Variants in PLPPR1 observed in about 807,000 individuals in gnomAD.
The protein encoded by PLPPR1 is phospholipid phosphatase related 1, also known as phospholipid phosphatase-related protein type 1.
Under a neutral mutation model 33.1 loss-of-function variants are expected in PLPPR1, and 10 were observed. That is an observed-to-expected ratio of 0.30 (90% CI 0.19 to 0.51). The LOEUF (loss-of-function observed/expected upper bound fraction) is 0.51. Ranked by LOEUF, PLPPR1 falls within the 20% of genes least tolerant of loss-of-function variation. PLPPR1 has a pLI of 0.97. For missense variants in PLPPR1, 304 were observed against 408.1 expected (o/e 0.74, Z 2.20); for synonymous variants, 151 against 151.0 (o/e 1.00, Z 0.00).
chr9:101,047,590 C>A (rs1214990257), intron 1 of PLPPR1, among the ~76,000 whole-genome samples: 1 of 152,148 alleles, frequency 6.6e-6, no homozygotes. Context: ...CGTAACCTTA[C>A]AATGGTATCA....
chr9:101,260,854 C>T (rs183997640), intron 2 of PLPPR1, among the ~76,000 whole-genome samples: 1 of 152,158 alleles, frequency 6.6e-6, no homozygotes, highest in African/African-American at 2.4e-5. Context: ...GGGTGGGTAC[C>T]ACCATTTATA....
chr9:101,303,788 C>T (rs1361084266), intron 4 of PLPPR1, among the ~76,000 whole-genome samples: 1 of 152,048 alleles, frequency 6.6e-6, no homozygotes, highest in Non-Finnish European at 1.5e-5. Context: ...TTTAAAGTTC[C>T]ATGTGTTAGT....
At chr9:101,133,918 T>C (rs1296963598) in intron 1 of PLPPR1, among the ~76,000 whole-genome samples, 1 of 152,194 alleles carries the variant, frequency 6.6e-6, no homozygotes, top group Non-Finnish European at 1.5e-5. Flanking sequence ...TGTGCTTCAT[T>C]TTCTCCATTT....
chr9:101,213,655 C>A (rs984512419), intron 2 of PLPPR1, among the ~76,000 whole-genome samples: 1 of 152,114 alleles, frequency 6.6e-6, no homozygotes, highest in Non-Finnish European at 1.5e-5. Flanking sequence ...TACTCTTTAT[C>A]AATTCCTACT....
chr9:101,173,558 G>T (rs1564165625), intron 1 of PLPPR1, among the ~76,000 whole-genome samples: 1 of 152,096 alleles, frequency 6.6e-6, no homozygotes, highest in Non-Finnish European at 1.5e-5. Context: ...GTACAACAAG[G>T]CCCTGAGGTA....
chr9:101,166,751 G>A (rs2118681893), intron 1 of PLPPR1, among the ~76,000 whole-genome samples: 1 of 152,200 alleles, frequency 6.6e-6, no homozygotes, highest in East Asian at 1.9e-4. Context: ...GTTTGTCAAG[G>A]AGATTAATGA....
At chr9:101,061,776 G>C (rs765117417) in intron 1 of PLPPR1, among the ~76,000 whole-genome samples, 3 of 151,950 alleles carry the variant, frequency 2.0e-5, no homozygotes, top group Admixed American at 6.6e-5. Flanking sequence ...AGCAGATACA[G>C]GTTAATATTT....
chr9:101,033,997 G>A (rs1829979928), intron 1 of PLPPR1, among the ~76,000 whole-genome samples: 2 of 152,082 alleles, frequency 1.3e-5, no homozygotes, highest in African/African-American at 2.4e-5. Context: ...AGCAATTTTA[G>A]TATAGCAGTG....
Position 101,317,376 on chromosome 9 carries a change from G to A in PLPPR1, c.825G>A (p.Val275=). ...TAVALFLGMC[V]VHNFKGTQGS... ...CCCTCATCCTGCAGGGAATGTGTGT[G>A]GTTCATAACTTTAAAGGAACGCAAG... is the stretch of plus-strand genomic sequence containing the variant. Residue 275 remains valine (V), a synonymous_variant, in exon 7 of 8, where the codon GTG becomes GTA. Transcript: ENST00000374874. 6.2e-7 allele frequency: 1 copy of A among 1,613,738 alleles called. No homozygotes were observed. Among genetic ancestry groups the A allele is most frequent in the Non-Finnish European group, 8.5e-7 (1 of 1,179,872 alleles).
chr9:101,288,575 A>T lies in PLPPR1; in HGVS notation c.385+2339A>T, dbSNP rs192073431. Among the ~76,000 whole-genome samples the T allele has an allele frequency of 1.1e-3, 131 of 119,808 alleles. 1 individual carries two copies. The East Asian group carries it at 0.016, about 15-fold the overall frequency. The allele number at this position is 119,808 out of a possible 152,430, so 78.6% of individuals were successfully genotyped here. On this transcript the variant is annotated intron_variant, in intron 4 of 7. Coordinates refer to ENST00000374874, the MANE Select transcript of PLPPR1 (RefSeq NM_207299.2). ...GGGTTTAGTAAAAAAATAAAAAAAT[A>T]AAAAAAAAGCACTTCCTTCACGCTT...
intron 1 of PLPPR1, among the ~76,000 whole-genome samples, chr9:101,100,828 T>C (rs912833679): frequency 2.6e-5 from 4 of 151,836 alleles, no homozygotes; most frequent in African/African-American, 9.7e-5. Context: ...GCCCCACAGT[T>C]AGGACTGTTA....
chr9:101,295,435 G>C (rs1405653601), intron 4 of PLPPR1, among the ~76,000 whole-genome samples: 1 of 152,036 alleles, frequency 6.6e-6, no homozygotes, highest in Non-Finnish European at 1.5e-5. Context: ...TTTCTTCACA[G>C]AATTGGAAAA....
intron 1 of PLPPR1, among the ~76,000 whole-genome samples, chr9:101,147,878 G>C (rs1304295300): frequency 6.6e-6 from 1 of 152,178 alleles, no homozygotes; most frequent in Admixed American, 6.5e-5. Flanking sequence ...GAATGCCCAG[G>C]AGTGTTCTGA....
At chr9:101,061,337 A>T (rs941598012) in intron 1 of PLPPR1, among the ~76,000 whole-genome samples, 14 of 151,974 alleles carry the variant, frequency 9.2e-5, no homozygotes, top group African/African-American at 3.4e-4. Context: ...TTATGATATT[A>T]AAAAAACATG....
chr9:101,096,306 C>T (rs1164918648), intron 1 of PLPPR1, among the ~76,000 whole-genome samples: 5 of 152,110 alleles, frequency 3.3e-5, no homozygotes, highest in Admixed American at 6.6e-5. Flanking sequence ...GGGAAGTGGC[C>T]AGAACAGTAG....
At chr9:101,258,516 C>T (rs149397145) in intron 2 of PLPPR1, among the ~76,000 whole-genome samples, 370 of 152,220 alleles carry the variant, frequency 2.4e-3, no homozygotes, top group Middle Eastern at 0.01. Flanking sequence ...TTTAGTTTAA[C>T]GAAAGATATA....
In PLPPR1 at chr9:101,080,894, C is replaced by T. The variant is rs78218064; in HGVS notation, c.-46+51792C>T. ...AGGAGGAGCAAATGCTTCCTAAACA[C>T]TCTTCTAACACATCTTCCTGTGTTT... On this transcript the variant is annotated intron_variant, in intron 1 of 7. Coordinates refer to ENST00000374874, the MANE Select transcript of PLPPR1 (RefSeq NM_207299.2). Among the ~76,000 whole-genome samples the T allele has an allele frequency of 5.0e-3, 761 of 152,318 alleles. 6 individuals carry two copies. Among genetic ancestry groups the T allele is most frequent in the African/African-American group, 0.018 (730 of 41,562 alleles).
chr9:101,041,586 G>A (rs1424187111), intron 1 of PLPPR1, among the ~76,000 whole-genome samples: 1 of 152,114 alleles, frequency 6.6e-6, no homozygotes, highest in Non-Finnish European at 1.5e-5. Flanking sequence ...TTGGTTCTGG[G>A]TGAAATGCTG....
intron 6 of PLPPR1, 23 bp from the exon 7 acceptor site, chr9:101,317,342 C>CT: frequency 6.2e-7 from 1 of 1,608,448 alleles, no homozygotes; most frequent in African/African-American, 1.3e-5. Flanking sequence ...TGACCCCATT[C>CT]TTTTTTCCCC....
Sources: gnomAD v4.1 joint callset for allele counts (sites outside exome capture counted in the v4.1 genomes callset) on GRCh38, gnomAD v4.1.1 for gene constraint, MANE v1.5 for transcripts, NCBI Gene and HGNC (gene_info 2026-07-23, HGNC 2026-07-21) for gene names.